MORN1: variants seen among roughly 807,000 people sequenced by gnomAD.
MORN1 encodes the protein MORN repeat-containing protein 1.
Under a neutral mutation model 61.9 loss-of-function variants are expected in MORN1, and 67 were observed. That is an observed-to-expected ratio of 1.08 (90% CI 0.89 to 1.33). MORN1 has a LOEUF of 1.33. Among genes scored for constraint, MORN1 ranks in the 40% most tolerant of loss-of-function variants. The probability of loss-of-function intolerance (pLI) is 0.00; values close to 1 mark genes in which losing one functional copy is unlikely to be tolerated. For missense variants in MORN1, 752 were observed against 691.2 expected (o/e 1.09, Z -0.99); for synonymous variants, 301 against 292.0 (o/e 1.03, Z -0.31).
At chr1:2,370,633 C>A (rs1642095511) in intron 8 of MORN1, among the ~76,000 whole-genome samples, 1 of 151,610 alleles carries the variant, frequency 6.6e-6, no homozygotes, top group Admixed American at 6.6e-5. Context: ...AACTCTATAG[C>A]TAAAAATAAG....
At chr1:2,359,115 C>T (rs1044891577) in intron 8 of MORN1, among the ~76,000 whole-genome samples, 10 of 152,206 alleles carry the variant, frequency 6.6e-5, no homozygotes, top group African/African-American at 2.2e-4. Flanking sequence ...ACCTCAGGCA[C>T]ACCCAGGCCT....
chr1:2,336,374 G>A, intron 12 of MORN1, 95 bp downstream of exon 12: 1 of 1,275,266 alleles, frequency 7.8e-7, no homozygotes, highest in Non-Finnish European at 1.1e-6. Flanking sequence ...CCAGGCCCTT[G>A]GCTCCCCTGG....
At chr1:2,335,028 G>A (rs1641235855) in intron 12 of MORN1, among the ~76,000 whole-genome samples, 1 of 152,218 alleles carries the variant, frequency 6.6e-6, no homozygotes, top group East Asian at 1.9e-4. Flanking sequence ...GCACCTGCAG[G>A]ATCTTGGCTG....
rs183426831 is a variant in MORN1 at position 2,371,932 on chromosome 1, A to T, written c.745+549T>A. On this transcript the variant is annotated intron_variant, in intron 8 of 13. Transcript: ENST00000378531. ...TCAAAAAAAAAAAAAAAAAGTTCAA[A>T]CATAAATCTACCATGTGATCCAGCA... The T allele has an allele frequency of 4.3e-3, 736 of 170,732 alleles. 4 individuals carry two copies. The highest frequency in any genetic ancestry group is 8.2e-3 in the Middle Eastern group (16 of 1,952). The allele number at this position is 170,732 out of a possible 1,614,324, so 10.6% of individuals were successfully genotyped here. A position where few individuals can be genotyped will look rare whatever the true frequency, so the allele number is the denominator to read the frequency against.
chr1:2,371,202 C>G (rs1642112809), intron 8 of MORN1: 1 of 146,912 alleles, frequency 6.8e-6, no homozygotes, highest in Admixed American at 7.0e-5. Flanking sequence ...CAGCGAGACT[C>G]TGTCTCCAAA....
Position 2,351,972 on chromosome 1 carries a change from G to A in MORN1, c.1036+5460C>T, listed in dbSNP as rs112710576. The A allele has an allele frequency of 1.7e-3, 897 of 524,100 alleles. 3 individuals are homozygous for A. The highest frequency in any genetic ancestry group is 2.7e-3 in the Non-Finnish European group (744 of 271,046). 32.5% of individuals were successfully genotyped at this position (524,100 alleles called of 1,614,324 possible). On this transcript the variant is annotated intron_variant, in intron 10 of 13. Coordinates refer to ENST00000378531, the MANE Select transcript of MORN1 (RefSeq NM_024848.3). Reference sequence around the variant, plus strand: ...GCTTCCCTCTGCTCGAGGGACACCAGTAGGCATGCCCCCTCCAGGAATGAG... The same window carrying A: ...GCTTCCCTCTGCTCGAGGGACACCAATAGGCATGCCCCCTCCAGGAATGAG...
At chr1:2,346,150 A>G (rs1641511937) in intron 10 of MORN1, among the ~76,000 whole-genome samples, 1 of 151,284 alleles carries the variant, frequency 6.6e-6, no homozygotes, top group Non-Finnish European at 1.5e-5. Flanking sequence ...CAAAGCCACC[A>G]GGAACCTTCC....
intron 5 of MORN1, 120 bp from the exon 6 acceptor site, chr1:2,385,185 C>G (rs1019063844): frequency 1.6e-5 from 16 of 1,007,418 alleles, no homozygotes; most frequent in Non-Finnish European, 1.8e-5. Context: ...AAAATAGGCC[C>G]GAGCAGATGG....
chr1:2,387,939 AGAGCTG>A, intron 3 of MORN1: 1 of 438,766 alleles, frequency 2.3e-6, no homozygotes, highest in Non-Finnish European at 4.1e-6. Context: ...ACGAATCCCC[AGAGCTG>A]GTTTCCCATC....
intron 10 of MORN1, among the ~76,000 whole-genome samples, chr1:2,344,415 G>A (rs1641464609): frequency 6.6e-6 from 1 of 152,256 alleles, no homozygotes; most frequent in African/African-American, 2.4e-5. Flanking sequence ...CACTATTGGG[G>A]TGGCAGGAAG....
chr1:2,328,099 G>C (rs1641075270), intron 12 of MORN1, among the ~76,000 whole-genome samples: 1 of 152,252 alleles, frequency 6.6e-6, no homozygotes, highest in African/African-American at 2.4e-5. Context: ...CCTTGACCCT[G>C]TCTACCCGGA....
chr1:2,342,867 A>AT (rs370414567), intron 10 of MORN1, among the ~76,000 whole-genome samples: 21,091 of 96,648 alleles, frequency 0.22, 2,174 homozygotes, highest in Middle Eastern at 0.28. Context: ...ATTTTATTTT[A>AT]TTTATTTTAT....
intron 13 of MORN1, chr1:2,322,129 G>T: frequency 7.1e-6 from 7 of 985,438 alleles, no homozygotes; most frequent in Non-Finnish European, 7.2e-6. Context: ...CGGCCCTGCT[G>T]GGGGCACTCG....
chr1:2,388,217 T>C (rs1335532447), intron 3 of MORN1, 22 bp downstream of exon 3: 1 of 1,593,358 alleles, frequency 6.3e-7, no homozygotes, highest in Non-Finnish European at 8.6e-7. Flanking sequence ...GGAGTGAATG[T>C]GCCATCCCAG....
intron 12 of MORN1, chr1:2,332,757 G>T (rs1230966773): frequency 4.4e-6 from 2 of 456,332 alleles, no homozygotes; most frequent in Non-Finnish European, 8.8e-6. Flanking sequence ...TGGGATCCTG[G>T]GAGGGGTGAA....
chr1:2,368,251 C>A (rs1207920775), intron 8 of MORN1, among the ~76,000 whole-genome samples: 1 of 152,240 alleles, frequency 6.6e-6, no homozygotes, highest in African/African-American at 2.4e-5. Flanking sequence ...TGGCTTTGGC[C>A]AGGGAAGGAT....
At chr1:2,382,243 G>A (rs901300525) in intron 6 of MORN1, among the ~76,000 whole-genome samples, 3 of 152,196 alleles carry the variant, frequency 2.0e-5, no homozygotes, top group Admixed American at 2.0e-4. Context: ...CATGAGACAG[G>A]CCCTGACCAG....
chr1:2,344,873 A>G (rs1422107199), intron 10 of MORN1, among the ~76,000 whole-genome samples: 3 of 152,228 alleles, frequency 2.0e-5, no homozygotes, highest in Non-Finnish European at 4.4e-5. Context: ...TGCCAGAGGG[A>G]GCATGACCGT....
rs186148074 is a variant in MORN1, at chr1:2,357,937, C to A, written c.870-339G>T. The stretch of plus-strand genomic sequence containing the variant: ...CCCAAATGTCAGACAGTCCTTAACT[C>A]AGGAGAAGGGCCGGTGGGAAAAGGG... On this transcript the variant is annotated intron_variant, in intron 9 of 13. Transcript: ENST00000378531. This position sits in a 1 kb window ranked among gnomAD's most constrained non-coding sequence, Gnocchi z 6.3. Among the ~76,000 whole-genome samples, 165 of 152,312 alleles carry A rather than the reference C, an allele frequency of 1.1e-3. 6 individuals are homozygous for A. Among genetic ancestry groups the A allele is most frequent in the Admixed American group, 1.8e-3 (27 of 15,290 alleles).
Sources: gnomAD v4.1 joint callset for allele counts (sites outside exome capture counted in the v4.1 genomes callset) on GRCh38, gnomAD v4.1.1 for gene constraint, Gnocchi (gnomAD v3.1) non-coding constraint, MANE v1.5 for transcripts, NCBI Gene and HGNC (gene_info 2026-07-23, HGNC 2026-07-21) for gene names.